XKR9: variants seen among roughly 807,000 people sequenced by gnomAD.
XKR9 encodes XK-related protein 9.
Under a neutral mutation model 32.0 loss-of-function variants are expected in XKR9, and 32 were observed. That is an observed-to-expected ratio of 1.00 (90% CI 0.76 to 1.34). The LOEUF (loss-of-function observed/expected upper bound fraction) is 1.34, where lower values mean the gene tolerates loss of function less well. XKR9 is among the 40% of genes most tolerant of loss of function. The pLI is 0.00. For synonymous variants in XKR9, 168 were observed against 143.4 expected (o/e 1.17, Z -1.22); for missense variants, 546 against 429.7 (o/e 1.27, Z -2.39).
chr8:70,948,690 C>CA, the XKR9 span, among the ~76,000 whole-genome samples: 4 of 152,190 alleles, frequency 2.6e-5, no homozygotes, highest in Admixed American at 2.6e-4. Flanking sequence ...AATGCCTGCA[C>CA]ACAAGCATTA....
intron 2 of XKR9, among the ~76,000 whole-genome samples, chr8:70,746,715 C>CT (rs1336151176): frequency 6.6e-6 from 1 of 151,692 alleles, no homozygotes; most frequent in Admixed American, 6.6e-5. Flanking sequence ...TGTCTGTCTT[C>CT]CCCAAAACTC....
At chr8:70,972,537 TG>T in the XKR9 span, among the ~76,000 whole-genome samples, 3 of 152,156 alleles carry the variant, frequency 2.0e-5, no homozygotes, top group African/African-American at 7.2e-5. Flanking sequence ...ATGCTCGTTT[TG>T]TTCCAGTTTT....
the XKR9 span, among the ~76,000 whole-genome samples, chr8:70,805,670 C>A: frequency 1.3e-5 from 2 of 152,204 alleles, no homozygotes; most frequent in African/African-American, 4.8e-5. Context: ...CAGGCGTGAC[C>A]CTGACTCATC....
the XKR9 span, among the ~76,000 whole-genome samples, chr8:70,953,561 C>A: frequency 6.6e-6 from 1 of 152,194 alleles, no homozygotes; most frequent in Non-Finnish European, 1.5e-5. Flanking sequence ...ATCCTCCTGC[C>A]TTGGCCTCCC....
At chr8:70,804,225 G>A in the XKR9 span, among the ~76,000 whole-genome samples, 1 of 152,374 alleles carries the variant, frequency 6.6e-6, no homozygotes, top group East Asian at 1.9e-4. Context: ...CTGGCTGCAA[G>A]TGGTGGGGGT....
chr8:70,811,496 C>T, the XKR9 span, among the ~76,000 whole-genome samples: 1 of 152,084 alleles, frequency 6.6e-6, no homozygotes, highest in African/African-American at 2.4e-5. Flanking sequence ...ATTAATGAAT[C>T]CAGGAGCTGG....
At chr8:71,019,246 T>C in the XKR9 span, among the ~76,000 whole-genome samples, 2 of 152,168 alleles carry the variant, frequency 1.3e-5, no homozygotes, top group Non-Finnish European at 2.9e-5. Context: ...TTGAGGTCTG[T>C]AGAATTTTAG....
At chr8:70,756,030 G>C (rs7819332) in intron 2 of XKR9, among the ~76,000 whole-genome samples, 61,299 of 152,036 alleles carry the variant, frequency 0.4, 13,893 homozygotes, top group Non-Finnish European at 0.52. Context: ...GGTCTTTGAT[G>C]TATTTGGAGT....
the XKR9 span, among the ~76,000 whole-genome samples, chr8:70,912,617 A>G: frequency 1.3e-5 from 2 of 152,134 alleles, no homozygotes; most frequent in African/African-American, 4.8e-5. Context: ...GCATAGTTAA[A>G]TGAATATTTT....
intron 2 of XKR9, among the ~76,000 whole-genome samples, chr8:70,762,346 G>A (rs1807320518): frequency 6.6e-6 from 1 of 152,102 alleles, no homozygotes; most frequent in Admixed American, 6.6e-5. Flanking sequence ...CCTGGGCAAC[G>A]GACTGCCAGT....
At chr8:70,915,245 G>T in the XKR9 span, among the ~76,000 whole-genome samples, 1 of 152,122 alleles carries the variant, frequency 6.6e-6, no homozygotes, top group Non-Finnish European at 1.5e-5. Flanking sequence ...AACTGGGGAG[G>T]TTGGGAATCT....
chr8:70,739,477 A>G (rs1293203861), downstream of XKR9, among the ~76,000 whole-genome samples: 2 of 152,096 alleles, frequency 1.3e-5, no homozygotes, highest in Non-Finnish European at 2.9e-5. Flanking sequence ...ATTTAAAGTT[A>G]ATATTGTTAT....
chr8:70,722,779 G>T (rs1279043160), intron 4 of XKR9, among the ~76,000 whole-genome samples: 1 of 151,910 alleles, frequency 6.6e-6, no homozygotes, highest in African/African-American at 2.4e-5. Flanking sequence ...GTGTCTTGTG[G>T]TTGCTCTTCT....
At chr8:70,954,866 T>C in the XKR9 span, among the ~76,000 whole-genome samples, 1 of 152,214 alleles carries the variant, frequency 6.6e-6, no homozygotes, top group African/African-American at 2.4e-5. Flanking sequence ...TGTAGAATAT[T>C]TAGGAGATTT....
intron 1 of XKR9, among the ~76,000 whole-genome samples, chr8:70,673,913 G>A (rs968656137): frequency 3.9e-5 from 6 of 152,184 alleles, no homozygotes; most frequent in African/African-American, 1.2e-4. Context: ...CTTACAACAT[G>A]CAAGGTAATG....
chr8:70,857,301 G>C, the XKR9 span, among the ~76,000 whole-genome samples: 1 of 152,144 alleles, frequency 6.6e-6, no homozygotes, highest in African/African-American at 2.4e-5. Flanking sequence ...TATCACCACT[G>C]ATCCCACAGA....
At chr8:70,826,439 A>G in the XKR9 span, among the ~76,000 whole-genome samples, 1 of 144,320 alleles carries the variant, frequency 6.9e-6, no homozygotes, top group African/African-American at 2.6e-5. Flanking sequence ...TTAATTTTTG[A>G]CTTTTTGATG....
chr8:70,673,651 G>T (rs1020242746), intron 1 of XKR9, among the ~76,000 whole-genome samples: 1 of 152,108 alleles, frequency 6.6e-6, no homozygotes, highest in Non-Finnish European at 1.5e-5. Flanking sequence ...TGTAATCCCA[G>T]CTACTTGGGA....
chr8:70,752,057 A>AT (rs527422811), intron 2 of XKR9, among the ~76,000 whole-genome samples: 47 of 152,126 alleles, frequency 3.1e-4, no homozygotes, highest in Middle Eastern at 3.4e-3. Flanking sequence ...CATCCAATTG[A>AT]TTTTTTTGTC....
Sources: gnomAD v4.1 joint callset for allele counts (sites outside exome capture counted in the v4.1 genomes callset) on GRCh38, gnomAD v4.1.1 for gene constraint, MANE v1.5 for transcripts, NCBI Gene and HGNC (gene_info 2026-07-23, HGNC 2026-07-21) for gene names.